Variants in LRRTM3 observed in about 807,000 individuals in gnomAD.
LRRTM3 encodes the protein leucine rich repeat transmembrane neuronal 3.
In LRRTM3, 24 loss-of-function variants were observed where a neutral mutation model predicts 44.7. The ratio of observed to expected loss-of-function variants is 0.54; its 90% CI spans 0.39 to 0.76. The LOEUF (loss-of-function observed/expected upper bound fraction) is 0.76, where lower values mean the gene tolerates loss of function less well. Ranked by LOEUF, LRRTM3 falls within the 30% of genes least tolerant of loss-of-function variation. The pLI is 0.00. For synonymous variants in LRRTM3, 277 were observed against 278.7 expected, an observed-to-expected ratio of 0.99 and a Z score of 0.06; for missense variants, 587 against 702.2, an observed-to-expected ratio of 0.84 and a Z score of 1.85.
chr10:66,926,900 C>A (rs201381878), intron 1 of LRRTM3, 21 bp from the exon 2 acceptor site: 2 of 1,536,514 alleles, frequency 1.3e-6, no homozygotes, highest in Middle Eastern at 1.8e-4. Context: ...GATAACTTTT[C>A]TAAGTTGTTT....
intron 2 of LRRTM3, among the ~76,000 whole-genome samples, chr10:66,976,844 A>T (rs1850064872): frequency 6.6e-6 from 1 of 152,064 alleles, no homozygotes; most frequent in African/African-American, 2.4e-5. Context: ...GGAGATACCC[A>T]CGTTTTTGTT....
intron 2 of LRRTM3, among the ~76,000 whole-genome samples, chr10:67,058,816 C>T (rs187541281): frequency 2.0e-5 from 3 of 152,194 alleles, no homozygotes; most frequent in Admixed American, 2.0e-4. Flanking sequence ...AATCTGAGTT[C>T]TAGGCTGTTT....
intron 2 of LRRTM3, among the ~76,000 whole-genome samples, chr10:67,062,178 G>C (rs1251281214): frequency 7.4e-6 from 1 of 135,236 alleles, no homozygotes; most frequent in East Asian, 2.1e-4. Context: ...CCATTTTATA[G>C]ATAAGAACGT....
chr10:66,991,948 C>T (rs1464965854), intron 2 of LRRTM3, among the ~76,000 whole-genome samples: 1 of 152,298 alleles, frequency 6.6e-6, no homozygotes, highest in South Asian at 2.1e-4. Flanking sequence ...CATACCTCCC[C>T]TTTCAGTGTT....
At chr10:66,966,128 G>A (rs777380688) in intron 2 of LRRTM3, among the ~76,000 whole-genome samples, 1 of 151,764 alleles carries the variant, frequency 6.6e-6, no homozygotes, top group Non-Finnish European at 1.5e-5. Context: ...TTATTTTATA[G>A]TGCCATTTTG....
At chr10:66,932,404 C>T (rs1003588842) in intron 2 of LRRTM3, among the ~76,000 whole-genome samples, 9 of 152,182 alleles carry the variant, frequency 5.9e-5, no homozygotes, top group Non-Finnish European at 1.0e-4. Context: ...AAAGTGAGTT[C>T]CAGACATGGC....
intron 2 of LRRTM3, among the ~76,000 whole-genome samples, chr10:66,998,955 A>G (rs954936811): frequency 9.9e-5 from 15 of 152,140 alleles, no homozygotes; most frequent in Non-Finnish European, 4.4e-5. Context: ...CATAAAGCAA[A>G]TCTCAATCAA....
chr10:67,014,389 T>C (rs1852524785), intron 2 of LRRTM3, among the ~76,000 whole-genome samples: 1 of 152,214 alleles, frequency 6.6e-6, no homozygotes, highest in Admixed American at 6.5e-5. Flanking sequence ...CCTAATTGTA[T>C]AACCTGTGAG....
chr10:66,972,350 AG>A (rs1320576691), intron 2 of LRRTM3, among the ~76,000 whole-genome samples: 2 of 152,112 alleles, frequency 1.3e-5, no homozygotes, highest in Admixed American at 6.6e-5. Flanking sequence ...AGATGAAATG[AG>A]GTCTATGTTG....
rs10822953 is a variant in LRRTM3 at position 66,979,632 on chromosome 10, T to C, written c.1536+51180T>C. ...ATTGCCACATCAGTAAAATGGGGAGTATAAACAGAACTTAGAACATAGATG... is the reference window on the plus strand; with the variant it reads ...ATTGCCACATCAGTAAAATGGGGAGCATAAACAGAACTTAGAACATAGATG... On this transcript the variant is annotated intron_variant, in intron 2 of 2. Transcript: ENST00000361320. Among the ~76,000 whole-genome samples, 3,766 of 152,132 alleles carry C rather than the reference T, an allele frequency of 0.025. 397 individuals are homozygous for C. In the East Asian group the frequency reaches 0.37, roughly 15 times the overall value.
chr10:67,066,402 A>G (rs1856086346), intron 2 of LRRTM3, among the ~76,000 whole-genome samples: 3 of 152,054 alleles, frequency 2.0e-5, no homozygotes, highest in Non-Finnish European at 4.4e-5. Flanking sequence ...CATGTTGGCC[A>G]GGATGATCTC....
chr10:66,999,028 T>C (rs936328732), intron 2 of LRRTM3, among the ~76,000 whole-genome samples: 3 of 152,168 alleles, frequency 2.0e-5, no homozygotes, highest in Admixed American at 6.5e-5. Flanking sequence ...TAGAAATGTA[T>C]TTATTACTAT....
intron 2 of LRRTM3, among the ~76,000 whole-genome samples, chr10:66,962,502 C>T (rs949569615): frequency 7.2e-5 from 11 of 151,866 alleles, no homozygotes; most frequent in Admixed American, 3.3e-4. Flanking sequence ...CTCCATCTCC[C>T]GGGTTCAAGC....
intron 2 of LRRTM3, among the ~76,000 whole-genome samples, chr10:66,973,203 T>C (rs893893115): frequency 2.6e-5 from 4 of 152,184 alleles, no homozygotes; most frequent in Non-Finnish European, 5.9e-5. Context: ...AAATCTCTTA[T>C]AAATATCAAA....
Position 67,097,921 on chromosome 10 carries a change from A to T in LRRTM3, c.*125A>T. ...CACAAAATCCCCTGTTCAAATAAAC[A>T]AAAAATCCAAGATTGATTCATGAAA... On this transcript the variant is annotated 3_prime_UTR_variant, in exon 3 of 3. Coordinates refer to ENST00000361320, the MANE Select transcript of LRRTM3 (RefSeq NM_178011.5). 1 of 777,796 alleles carries T rather than the reference A, an allele frequency of 1.3e-6. No homozygotes were observed. The highest frequency in any genetic ancestry group is 2.1e-6 in the Non-Finnish European group (1 of 485,224). The allele number at this position is 777,796 out of a possible 1,614,324, so 48.2% of individuals were successfully genotyped here.
intron 2 of LRRTM3, among the ~76,000 whole-genome samples, chr10:67,011,650 A>G (rs1852347539): frequency 6.6e-6 from 1 of 152,198 alleles, no homozygotes. Flanking sequence ...AACTTTAATA[A>G]TGATGATGAT....
chr10:66,930,876 G>A (rs1235429232), intron 2 of LRRTM3, among the ~76,000 whole-genome samples: 5 of 151,972 alleles, frequency 3.3e-5, no homozygotes, highest in Non-Finnish European at 5.9e-5. Context: ...GAAATTATGG[G>A]AAAAAAGTTC....
chr10:67,018,084 T>C (rs906057978), intron 2 of LRRTM3, among the ~76,000 whole-genome samples: 7 of 152,148 alleles, frequency 4.6e-5, no homozygotes, highest in African/African-American at 1.7e-4. Flanking sequence ...TGGATATATA[T>C]TAAACATATA....
intron 2 of LRRTM3, among the ~76,000 whole-genome samples, chr10:67,034,775 A>G (rs74556221): frequency 0.02 from 3,014 of 152,270 alleles, 104 homozygotes; most frequent in African/African-American, 0.069. Flanking sequence ...AATATTAAAT[A>G]CTGTTTACAA....
Sources: allele counts gnomAD v4.1 joint callset (sites outside exome capture counted in the v4.1 genomes callset), GRCh38; gene constraint gnomAD v4.1.1; transcripts MANE v1.5; gene names NCBI Gene and HGNC (gene_info 2026-07-23, HGNC 2026-07-21).